Variants in IL18RAP observed in about 807,000 individuals in gnomAD.
IL18RAP encodes the protein interleukin 18 receptor accessory protein, also known as interleukin-18 receptor accessory protein.
In IL18RAP, 37 loss-of-function variants were observed where a neutral mutation model predicts 58.1. That is an observed-to-expected ratio of 0.64 (90% CI 0.49 to 0.84). The LOEUF (loss-of-function observed/expected upper bound fraction) is 0.84, where lower values mean the gene tolerates loss of function less well. Ranked by LOEUF, IL18RAP falls within the 40% of genes least tolerant of loss-of-function variation. The pLI, the probability that IL18RAP is intolerant of heterozygous loss-of-function variation, is 0.00. For missense variants in IL18RAP, 667 were observed against 704.8 expected (o/e 0.95, Z 0.61); for synonymous variants, 268 against 257.5 (o/e 1.04, Z -0.39).
chr2:102,424,516 A>G lies in IL18RAP; in HGVS notation c.579+102A>G. 8.4e-6 allele frequency: 9 copies of G among 1,069,108 alleles called. No homozygotes were observed. In the South Asian group the frequency reaches 1.3e-4, roughly 15 times the overall value. The allele number at this position is 1,069,108 out of a possible 1,614,324, so 66.2% of individuals were successfully genotyped here. A position where few individuals can be genotyped will look rare whatever the true frequency, so the allele number is the denominator to read the frequency against. On this transcript the variant is annotated intron_variant, in intron 3 of 9. Transcript: ENST00000687160. ...GCGTGTTTGAGAATCTGAGGTATAC[A>G]GCTTCTCAAAAACTGGCCCTGTGCC...
chr2:102,425,903 T>C (rs1222274068), intron 3 of IL18RAP, among the ~76,000 whole-genome samples: 2 of 152,212 alleles, frequency 1.3e-5, no homozygotes, highest in Non-Finnish European at 2.9e-5. Flanking sequence ...TTTGTTTCAC[T>C]TCCCTGGGGC....
At chr2:102,422,403 T>C (rs10206291), upstream of IL18RAP, among the ~76,000 whole-genome samples, 81,397 of 152,040 alleles carry the variant, frequency 0.54, 23,641 homozygotes, top group African/African-American at 0.73. Flanking sequence ...CTGCCCTCCC[T>C]TATGGGGCAA....
chr2:102,441,275 T>C (rs1683085782), intron 4 of IL18RAP, 37 bp from the exon 5 acceptor site: 4 of 1,559,838 alleles, frequency 2.6e-6, no homozygotes, highest in East Asian at 4.5e-5. Flanking sequence ...CTTCAGACTT[T>C]CCAATGCAAA....
At chr2:102,432,169 C>G (rs1682408050) in intron 3 of IL18RAP, 1 of 152,102 alleles carries the variant, frequency 6.6e-6, no homozygotes, top group Non-Finnish European at 1.5e-5. Flanking sequence ...GTTGAGTTCT[C>G]TAGGTGGGCT....
chr2:102,440,989 A>G (rs1447208469), intron 4 of IL18RAP, among the ~76,000 whole-genome samples: 1 of 152,198 alleles, frequency 6.6e-6, no homozygotes, highest in African/African-American at 2.4e-5. Flanking sequence ...AGATGGCACC[A>G]CAAAGAAATC....
rs1573260645 is a variant in IL18RAP at position 102,424,093 on chromosome 2, T to G, written c.353T>G (p.Val118Gly). The G allele has an allele frequency of 6.2e-7, 1 of 1,613,720 alleles. No homozygotes were observed. Among genetic ancestry groups the G allele is most frequent in the East Asian group, 2.2e-5 (1 of 44,868 alleles). Residue 118 changes from valine to glycine, a missense_variant, in exon 2 of 10, where the codon GTG (valine) becomes GGG (glycine). Physicochemically the swap from Val to Gly is moderately radical, Grantham distance 109. Coordinates refer to ENST00000687160, the MANE Select transcript of IL18RAP (RefSeq NM_001393487.1). ...ACCCTTCACTTTTTGACCCCAGGGG[T>G]GAATAATTCTGGGTCATATATTTGT... The part of the protein sequence containing the change: ...KCTLHFLTPG[V>G]NNSGSYICRP...
At chr2:102,448,769 G>A (rs1223558250) in intron 8 of IL18RAP, among the ~76,000 whole-genome samples, 2 of 151,994 alleles carry the variant, frequency 1.3e-5, no homozygotes, top group African/African-American at 4.8e-5. Flanking sequence ...AGACCAGCCT[G>A]GGCAACATGG....
chr2:102,432,575 C>T (rs1682450351), intron 3 of IL18RAP, among the ~76,000 whole-genome samples: 1 of 152,152 alleles, frequency 6.6e-6, no homozygotes, highest in Admixed American at 6.5e-5. Context: ...AGAAACTAGG[C>T]TACAAAGATG....
chr2:102,423,360 A>G lies in IL18RAP; in HGVS notation c.70+13A>G, dbSNP rs199747983. 309 of 1,609,280 alleles carry G rather than the reference A, an allele frequency of 1.9e-4. No individual in the cohort carries two copies. The highest frequency in any genetic ancestry group is 2.4e-4 in the Non-Finnish European group (282 of 1,175,690). Reference sequence around the variant, plus strand: ...TTTAATATTTCAGGTAGGGGTTTTCACTTTTCATGTTAGCACTGTGAGTCT... The same window carrying G: ...TTTAATATTTCAGGTAGGGGTTTTCGCTTTTCATGTTAGCACTGTGAGTCT... On this transcript the variant is annotated intron_variant, in intron 1 of 9. Transcript: ENST00000687160.
At chr2:102,432,341 A>T (rs1235136670) in intron 3 of IL18RAP, 1 of 154,162 alleles carries the variant, frequency 6.5e-6, no homozygotes, top group Non-Finnish European at 1.5e-5. Flanking sequence ...AATAGCCTGC[A>T]ACTTTGCCTG....
intron 4 of IL18RAP, among the ~76,000 whole-genome samples, chr2:102,438,488 AT>A (rs1411395802): frequency 6.6e-6 from 1 of 152,152 alleles, no homozygotes; most frequent in Non-Finnish European, 1.5e-5. Flanking sequence ...ATATTATTAG[AT>A]TGCTTCTTGA....
intron 3 of IL18RAP, among the ~76,000 whole-genome samples, chr2:102,436,751 A>G (rs184725519): frequency 1.3e-5 from 2 of 152,134 alleles, no homozygotes; most frequent in African/African-American, 4.8e-5. Context: ...GTATCTGTTT[A>G]TATACGTAAA....
intron 3 of IL18RAP, among the ~76,000 whole-genome samples, chr2:102,428,128 G>A (rs983085028): frequency 1.3e-5 from 2 of 151,594 alleles, no homozygotes; most frequent in Non-Finnish European, 3.0e-5. Flanking sequence ...TGAAATCACG[G>A]AGTATGAACC....
At chr2:102,447,285 C>T in intron 8 of IL18RAP, 78 bp downstream of exon 8, 2 of 1,484,550 alleles carry the variant, frequency 1.3e-6, no homozygotes, top group Non-Finnish European at 1.8e-6. Flanking sequence ...AAAATACCAT[C>T]ACTACCCCTT....
chr2:102,445,418 T>A, intron 7 of IL18RAP, 78 bp downstream of exon 7: 1 of 1,381,444 alleles, frequency 7.2e-7, no homozygotes. Context: ...AGAATAGTAA[T>A]AATGATGACA....
chr2:102,442,629 G>A (rs965951719), intron 5 of IL18RAP, among the ~76,000 whole-genome samples: 1 of 152,126 alleles, frequency 6.6e-6, no homozygotes, highest in African/African-American at 2.4e-5. Flanking sequence ...TTAGATTTGA[G>A]GCAGAGCATA....
At chr2:102,423,673 C>T (rs1351530194) in intron 1 of IL18RAP, 138 bp from the exon 2 acceptor site, 2 of 708,452 alleles carry the variant, frequency 2.8e-6, no homozygotes, top group Non-Finnish European at 4.7e-6. Flanking sequence ...ACTTCCTTTC[C>T]CCTACAAAAT....
intron 3 of IL18RAP, among the ~76,000 whole-genome samples, chr2:102,427,949 T>G (rs932071180): frequency 6.6e-6 from 1 of 151,438 alleles, no homozygotes; most frequent in African/African-American, 2.4e-5. Flanking sequence ...ATTGGAGAGA[T>G]AATCCTTTCC....
At chr2:102,424,580 C>T (rs1289471425) in intron 3 of IL18RAP, among the ~76,000 whole-genome samples, 166 bp downstream of exon 3, 1 of 152,198 alleles carries the variant, frequency 6.6e-6, no homozygotes, top group Non-Finnish European at 1.5e-5. Flanking sequence ...ATCATGTTCC[C>T]TGGGAAGCCA....
Sources: allele counts gnomAD v4.1 joint callset (sites outside exome capture counted in the v4.1 genomes callset), GRCh38; gene constraint gnomAD v4.1.1; transcripts MANE v1.5; gene names NCBI Gene and HGNC (gene_info 2026-07-23, HGNC 2026-07-21).